The following OTULIN variants were observed in gnomAD, a reference collection of about 807,000 sequenced individuals.
OTULIN encodes the protein OTU deubiquitinase with linear linkage specificity, also known as ubiquitin thioesterase otulin.
Under a neutral mutation model 39.6 loss-of-function variants are expected in OTULIN, and 15 were observed. That is an observed-to-expected ratio of 0.38 (90% CI 0.25 to 0.58). OTULIN has a LOEUF of 0.58. Ranked by LOEUF, OTULIN falls within the 20% of genes least tolerant of loss-of-function variation. The pLI, the probability that OTULIN is intolerant of heterozygous loss-of-function variation, is 0.66. For synonymous variants in OTULIN, 156 were observed against 170.3 expected, an observed-to-expected ratio of 0.92 and a Z score of 0.65; for missense variants, 319 against 445.9, an observed-to-expected ratio of 0.72 and a Z score of 2.56.
chr5:14,713,100 T>G, the OTULIN span: 1 of 950,330 alleles, frequency 1.1e-6, no homozygotes, highest in South Asian at 1.4e-5. The surrounding 1 kb of genome is among the most constrained non-coding windows in gnomAD (Gnocchi z 4.4). Context: ...CTCCATCTGC[T>G]GGCTTCGTAA....
At chr5:14,672,251 T>A (rs886908388) in intron 1 of OTULIN, among the ~76,000 whole-genome samples, 1 of 152,108 alleles carries the variant, frequency 6.6e-6, no homozygotes, top group Admixed American at 6.5e-5. Context: ...AGGGAAATAA[T>A]GGGATGCAGG....
chr5:14,690,125 C>T lies in OTULIN; in HGVS notation c.681C>T (p.Ser227=), dbSNP rs1736487520. The T allele has an allele frequency of 6.2e-7, 1 of 1,613,960 alleles. No individual in the cohort carries two copies. The highest frequency in any genetic ancestry group is 1.3e-5 in the African/African-American group (1 of 74,888). ...ELFTNEAEEY[S]LYEAVKFLML... The stretch of plus-strand genomic sequence containing the variant: ...TCACAAATGAGGCGGAGGAATATAG[C>T]CTCTATGAAGCTGTAAAATTTCTAA... The change falls in exon 6 of 7, where the codon AGC becomes AGT. Residue 227 remains serine (S), a synonymous_variant. Coordinates refer to ENST00000284274, the MANE Select transcript of OTULIN (RefSeq NM_138348.6). The surrounding 1 kb of genome is among the most constrained non-coding windows in gnomAD (Gnocchi z 4.5).
the OTULIN span, chr5:14,709,580 C>A: frequency 1.3e-5 from 2 of 152,212 alleles, no homozygotes; most frequent in East Asian, 3.8e-4. Flanking sequence ...ACGGTAGACA[C>A]AAAGGGCCTG....
chr5:14,706,962 C>G, the OTULIN span: 1 of 152,226 alleles, frequency 6.6e-6, no homozygotes, highest in Non-Finnish European at 1.5e-5. Context: ...GACATCTCAA[C>G]ACTCCACGTC....
In OTULIN at chr5:14,692,940, A is replaced by G; in HGVS notation, c.951A>G (p.Thr317=). 4 of 1,614,158 alleles carry G rather than the reference A, an allele frequency of 2.5e-6. No individual in the cohort carries two copies. Among genetic ancestry groups the G allele is most frequent in the Non-Finnish European group, 3.4e-6 (4 of 1,180,024 alleles). The change falls in exon 7 of 7, where the codon ACA becomes ACG. Residue 317 remains threonine (T), a synonymous_variant. Coordinates refer to ENST00000284274, the MANE Select transcript of OTULIN (RefSeq NM_138348.6). ...AGTACAACACGGAAGAATTCATCAC[A>G]GTCTACCCCACCGACCCACCCAAGG... The part of the protein sequence containing the change: ...LSKYNTEEFI[T]VYPTDPPKDW...
intron 5 of OTULIN, among the ~76,000 whole-genome samples, chr5:14,688,150 T>C (rs1736432312): frequency 6.6e-6 from 1 of 152,154 alleles, no homozygotes; most frequent in Non-Finnish European, 1.5e-5. Flanking sequence ...GAGAACTTGG[T>C]CTTCTGATTC....
At position 14,690,351 on chromosome 5, in the gene OTULIN, G is replaced by C. The variant is rs1736493969; in HGVS notation, c.864+43G>C. The C allele has an allele frequency of 6.3e-7, 1 of 1,587,994 alleles. No homozygotes were observed. The highest frequency in any genetic ancestry group is 8.6e-7 in the Non-Finnish European group (1 of 1,167,752). On this transcript the variant is annotated intron_variant, in intron 6 of 6. Transcript: ENST00000284274. The surrounding 1 kb of genome is among the most constrained non-coding windows in gnomAD (Gnocchi z 4.5). ...GCATGTATTACCCCAAAATAAAGCA[G>C]CTTTACTGATCAAACTTGATGTCAC...
intron 2 of OTULIN, among the ~76,000 whole-genome samples, chr5:14,674,553 C>T (rs1325134443): frequency 2.6e-5 from 4 of 152,092 alleles, no homozygotes; most frequent in East Asian, 1.9e-4. Flanking sequence ...TCCAGGAGTT[C>T]GAGACCGGCC....
Position 14,690,418 on chromosome 5 carries a change from G to A in OTULIN, c.864+110G>A. On this transcript the variant is annotated intron_variant, in intron 6 of 6. Transcript: ENST00000284274. The surrounding 1 kb of genome is among the most constrained non-coding windows in gnomAD (Gnocchi z 4.5). The stretch of plus-strand genomic sequence containing the variant: ...AAATTCAGGGACAGCTTAGTTGGAT[G>A]GTTCTGGCTCAGGATGTCATGAGGC... 1 of 1,338,694 alleles carries A rather than the reference G, an allele frequency of 7.5e-7. No homozygotes were observed. Among genetic ancestry groups the A allele is most frequent in the South Asian group, 1.4e-5 (1 of 69,460 alleles). The allele number at this position is 1,338,694 out of a possible 1,614,324, so 82.9% of individuals were successfully genotyped here.
intron 3 of OTULIN, among the ~76,000 whole-genome samples, chr5:14,680,301 A>T (rs935970306): frequency 1.3e-5 from 2 of 152,132 alleles, no homozygotes; most frequent in Admixed American, 1.3e-4. Flanking sequence ...TTATTGGGGG[A>T]AAAAAGTACT....
chr5:14,682,506 A>G (rs1736276804), intron 4 of OTULIN, among the ~76,000 whole-genome samples: 1 of 152,178 alleles, frequency 6.6e-6, no homozygotes, highest in African/African-American at 2.4e-5. Context: ...AAAAAAAATG[A>G]CAATATGACA....
At chr5:14,703,255 T>C (rs969750484), downstream of OTULIN, among the ~76,000 whole-genome samples, 1 of 144,996 alleles carries the variant, frequency 6.9e-6, no homozygotes, top group Admixed American at 7.0e-5. Flanking sequence ...CTGGAGCTTA[T>C]TGGGAGCAGA....
At chr5:14,707,392 CAGA>C in the OTULIN span, 1 of 152,192 alleles carries the variant, frequency 6.6e-6, no homozygotes, top group Non-Finnish European at 1.5e-5. Context: ...CCCTTCCCTC[CAGA>C]AGATCCCCAA....
At chr5:14,691,089 T>C (rs1259300088) in intron 6 of OTULIN, among the ~76,000 whole-genome samples, 1 of 152,244 alleles carries the variant, frequency 6.6e-6, no homozygotes, top group African/African-American at 2.4e-5. Context: ...TGCAGTACTA[T>C]CTCTAAGCCA....
chr5:14,685,826 G>A (rs993959379), intron 4 of OTULIN, among the ~76,000 whole-genome samples: 1 of 152,162 alleles, frequency 6.6e-6, no homozygotes, highest in African/African-American at 2.4e-5. Flanking sequence ...CTGCACATTT[G>A]TAGTTCTTTG....
chr5:14,710,269 T>C, the OTULIN span: 3 of 152,206 alleles, frequency 2.0e-5, no homozygotes, highest in Non-Finnish European at 4.4e-5. Flanking sequence ...AAAGCTTCAG[T>C]TCACTGTAAA....
At chr5:14,713,243 A>G in the OTULIN span, among the ~76,000 whole-genome samples, 3 of 151,976 alleles carry the variant, frequency 2.0e-5, no homozygotes, top group Non-Finnish European at 4.4e-5. This position sits in a 1 kb window ranked among gnomAD's most constrained non-coding sequence, Gnocchi z 4.4. Flanking sequence ...GAGCGCAGGG[A>G]CCATGTCCTT....
chr5:14,676,135 G>A (rs898811458), intron 2 of OTULIN, among the ~76,000 whole-genome samples: 1 of 152,168 alleles, frequency 6.6e-6, no homozygotes, highest in East Asian at 1.9e-4. Context: ...TTAACTTCCC[G>A]CCTTCTGAGG....
chr5:14,675,156 TACATGTTATA>T (rs1405360327), intron 2 of OTULIN, among the ~76,000 whole-genome samples: 3 of 152,218 alleles, frequency 2.0e-5, no homozygotes, highest in African/African-American at 7.2e-5. Context: ...ATCCTGTTCA[TACATGTTATA>T]ACAAGTTAGT....
Sources: allele counts gnomAD v4.1 joint callset (sites outside exome capture counted in the v4.1 genomes callset), GRCh38; gene constraint gnomAD v4.1.1; non-coding constraint Gnocchi (gnomAD v3.1); transcripts MANE v1.5; gene names NCBI Gene and HGNC (gene_info 2026-07-23, HGNC 2026-07-21).